The following WFDC1 variants were observed in gnomAD, a reference collection of about 807,000 sequenced individuals.
WFDC1 encodes WAP four-disulfide core domain 1.
In WFDC1, 39 loss-of-function variants were observed where a neutral mutation model predicts 32.9. The ratio of observed to expected loss-of-function variants is 1.19; its 90% CI spans 0.92 to 1.55. WFDC1 has a LOEUF of 1.55. WFDC1 is among the 40% of genes most tolerant of loss of function. WFDC1 has a pLI of 0.00. For missense variants in WFDC1, 386 were observed against 309.5 expected (o/e 1.25, Z -1.85); for synonymous variants, 184 against 137.4 (o/e 1.34, Z -2.37).
chr16:84,315,305 T>C (rs1040571837), intron 2 of WFDC1, among the ~76,000 whole-genome samples: 10 of 152,232 alleles, frequency 6.6e-5, no homozygotes, highest in African/African-American at 2.4e-4. Context: ...TCCATCCCTG[T>C]TTAATTTTTC....
At chr16:84,326,682 A>G (rs375333693) in intron 5 of WFDC1, 200 bp from the exon 6 acceptor site, 1 of 591,808 alleles carries the variant, frequency 1.7e-6, no homozygotes, top group Non-Finnish European at 3.0e-6. Context: ...GACCAGAAAC[A>G]TAGACAGAGC....
At chr16:84,305,308 A>G (rs1907185582) in intron 1 of WFDC1, among the ~76,000 whole-genome samples, 1 of 152,200 alleles carries the variant, frequency 6.6e-6, no homozygotes, top group South Asian at 2.1e-4. Context: ...TGGGGACAGC[A>G]GTGGTACCTA....
At chr16:84,307,528 G>C (rs1244025702) in intron 1 of WFDC1, among the ~76,000 whole-genome samples, 1 of 152,104 alleles carries the variant, frequency 6.6e-6, no homozygotes, top group African/African-American at 2.4e-5. Flanking sequence ...TGAGACGGCG[G>C]CACAGCTCAA....
At chr16:84,299,207 A>T (rs1283075512) in intron 1 of WFDC1, among the ~76,000 whole-genome samples, 1 of 140,132 alleles carries the variant, frequency 7.1e-6, no homozygotes, top group Non-Finnish European at 1.5e-5. Context: ...CTAAAAATAC[A>T]AAAAAAATTA....
chr16:84,311,040 CTG>C (rs1458724550), intron 1 of WFDC1, among the ~76,000 whole-genome samples: 1 of 152,160 alleles, frequency 6.6e-6, no homozygotes, highest in East Asian at 1.9e-4. Context: ...GTATCTAACT[CTG>C]TGTGTGTGTG....
chr16:84,321,073 C>T (rs1181560906), intron 4 of WFDC1, among the ~76,000 whole-genome samples: 2 of 152,186 alleles, frequency 1.3e-5, no homozygotes, highest in Non-Finnish European at 2.9e-5. Flanking sequence ...TTGCTATTTG[C>T]AGGGCTTTGT....
At chr16:84,319,625 C>T in intron 4 of WFDC1, 54 bp downstream of exon 4, 3 of 1,589,306 alleles carry the variant, frequency 1.9e-6, no homozygotes, top group Non-Finnish European at 2.6e-6. Flanking sequence ...CCCCTTCTCC[C>T]TGTAAGCGCC....
intron 1 of WFDC1, among the ~76,000 whole-genome samples, chr16:84,308,869 G>A (rs548846711): frequency 2.0e-4 from 30 of 151,502 alleles, no homozygotes; most frequent in African/African-American, 6.8e-4. Flanking sequence ...GGGTGTAGAC[G>A]CCAGCCTGGG....
chr16:84,299,164 C>A (rs1482584510), intron 1 of WFDC1, among the ~76,000 whole-genome samples: 5 of 152,046 alleles, frequency 3.3e-5, no homozygotes, highest in Admixed American at 1.3e-4. Context: ...AGTTCAAAAC[C>A]AGCCTGACCA....
intron 2 of WFDC1, among the ~76,000 whole-genome samples, chr16:84,315,401 G>T (rs181118675): frequency 6.6e-6 from 1 of 152,344 alleles, no homozygotes; most frequent in Admixed American, 6.5e-5. Flanking sequence ...CCACAGGGCA[G>T]GGAGTTTGTC....
chr16:84,326,619 G>C, intron 5 of WFDC1: 1 of 453,234 alleles, frequency 2.2e-6, no homozygotes. Context: ...GAAGCAATTT[G>C]GCCATCCCCA....
chr16:84,309,979 T>C lies in WFDC1; in HGVS notation c.145-2982T>C, dbSNP rs535667294. ...AATCATCTCCCCATGTCAAGATCCT[T>C]AACCTAATTGCGTCTGCAAAGACCC... On this transcript the variant is annotated intron_variant, in intron 1 of 6. Coordinates refer to ENST00000219454, the MANE Select transcript of WFDC1 (RefSeq NM_021197.4). Among the ~76,000 whole-genome samples the C allele has an allele frequency of 1.2e-3, 176 of 152,200 alleles. 1 individual carries two copies. Among genetic ancestry groups the C allele is most frequent in the African/African-American group, 3.9e-3 (160 of 41,520 alleles).
At chr16:84,315,437 A>T (rs947095351) in intron 2 of WFDC1, among the ~76,000 whole-genome samples, 1 of 152,244 alleles carries the variant, frequency 6.6e-6, no homozygotes, top group Non-Finnish European at 1.5e-5. Context: ...TAACCCCAGC[A>T]TCTAAAACGG....
intron 1 of WFDC1, among the ~76,000 whole-genome samples, chr16:84,298,661 G>A (rs979609618): frequency 1.3e-5 from 2 of 152,220 alleles, no homozygotes; most frequent in African/African-American, 4.8e-5. Context: ...AGGGCTGCCT[G>A]TAGCCTGCTC....
rs757414399 is a variant in WFDC1, at chr16:84,324,472, A to G, written c.604+12A>G. The stretch of plus-strand genomic sequence containing the variant: ...CAAAGAATATCCAGGTAAAAGAAGA[A>G]ACTGTTCTTTCTTTCCAGAGGGCAC... On this transcript the variant is annotated intron_variant, in intron 5 of 6. Coordinates refer to ENST00000219454, the MANE Select transcript of WFDC1 (RefSeq NM_021197.4). 2.8e-5 allele frequency: 45 copies of G among 1,612,456 alleles called. No homozygotes were observed. In the East Asian group the frequency reaches 3.6e-4, roughly 13 times the overall value.
chr16:84,327,929 G>C (rs1481099604), intron 6 of WFDC1: 1 of 152,288 alleles, frequency 6.6e-6, no homozygotes, highest in African/African-American at 2.4e-5. Flanking sequence ...GTAGGGGACG[G>C]CTACACAAGC....
chr16:84,314,438 C>G (rs976243474), intron 2 of WFDC1, among the ~76,000 whole-genome samples: 1 of 152,144 alleles, frequency 6.6e-6, no homozygotes, highest in African/African-American at 2.4e-5. Context: ...TGGACTGTAC[C>G]TTCCACGAGA....
At chr16:84,313,569 T>C (rs1307473758) in intron 2 of WFDC1, among the ~76,000 whole-genome samples, 3 of 152,112 alleles carry the variant, frequency 2.0e-5, no homozygotes, top group Non-Finnish European at 4.4e-5. Context: ...TACCGGACCA[T>C]GTTCCCTGGG....
chr16:84,311,914 C>G (rs150979676), intron 1 of WFDC1, among the ~76,000 whole-genome samples: 1 of 151,864 alleles, frequency 6.6e-6, no homozygotes, highest in Non-Finnish European at 1.5e-5. Context: ...ACCTGTAATC[C>G]CAGCACTTTG....
Sources: gnomAD v4.1 joint callset for allele counts (sites outside exome capture counted in the v4.1 genomes callset) on GRCh38, gnomAD v4.1.1 for gene constraint, MANE v1.5 for transcripts, NCBI Gene and HGNC (gene_info 2026-07-23, HGNC 2026-07-21) for gene names.